The following SNTG2 variants were observed in gnomAD, a reference collection of about 807,000 sequenced individuals.
The protein encoded by SNTG2 is gamma-2-syntrophin.
A neutral mutation model predicts 70.9 loss-of-function variants in SNTG2; 74 were observed. That is an observed-to-expected ratio of 1.04 (90% CI 0.86 to 1.27). The LOEUF (loss-of-function observed/expected upper bound fraction) is 1.27, where lower values mean the gene tolerates loss of function less well. Ranked by LOEUF, SNTG2 falls within the 50% of genes most tolerant of loss-of-function variation. The pLI is 0.00. For missense variants in SNTG2, 717 were observed against 690.7 expected (o/e 1.04, Z -0.43); for synonymous variants, 278 against 273.8 (o/e 1.02, Z -0.15).
chr2:1,263,808 T>C (rs1678579986), intron 13 of SNTG2, among the ~76,000 whole-genome samples: 1 of 152,212 alleles, frequency 6.6e-6, no homozygotes, highest in South Asian at 2.1e-4. Flanking sequence ...ACGATTCCAT[T>C]TCACAGCTCA....
At position 1,238,065 on chromosome 2, in the gene SNTG2, G is replaced by T. The variant is rs376872111; in HGVS notation, c.849+48G>T. On this transcript the variant is annotated intron_variant, in intron 10 of 16. Coordinates refer to ENST00000308624, the MANE Select transcript of SNTG2 (RefSeq NM_018968.4). The stretch of plus-strand genomic sequence containing the variant: ...TCTCTGCTGATGCTCATTCGTGCAT[G>T]AAAAATAATGGAGACATCATGTTTC... The T allele has an allele frequency of 7.0e-6, 11 of 1,564,962 alleles. No homozygotes were observed. In the African/African-American group the frequency reaches 1.5e-4, roughly 21 times the overall value.
chr2:1,255,454 T>C (rs1364623034), intron 12 of SNTG2, among the ~76,000 whole-genome samples: 1 of 152,110 alleles, frequency 6.6e-6, no homozygotes, highest in Non-Finnish European at 1.5e-5. Flanking sequence ...ACCTGAGACT[T>C]GACATCACCA....
intron 8 of SNTG2, among the ~76,000 whole-genome samples, chr2:1,185,976 A>G (rs1478125463): frequency 2.0e-5 from 3 of 152,202 alleles, no homozygotes; most frequent in African/African-American, 7.2e-5. Flanking sequence ...TTCCTTCTAT[A>G]TAAGTTCTAC....
At chr2:1,251,808 GTGCACACCACTCA>G (rs1253620464) in intron 12 of SNTG2, among the ~76,000 whole-genome samples, 5 of 144,166 alleles carry the variant, frequency 3.5e-5, no homozygotes, top group African/African-American at 1.3e-4. Context: ...CCACACACAC[GTGCACACCACTCA>G]TGCACACACC....
At chr2:1,093,252 G>A (rs145079149) in intron 2 of SNTG2, among the ~76,000 whole-genome samples, 173 of 152,218 alleles carry the variant, frequency 1.1e-3, no homozygotes, top group Non-Finnish European at 2.0e-3. Context: ...TTGAGGCAGC[G>A]GACTGTTTTG....
At chr2:1,128,810 G>A (rs1478867241) in intron 4 of SNTG2, among the ~76,000 whole-genome samples, 1 of 152,028 alleles carries the variant, frequency 6.6e-6, no homozygotes, top group East Asian at 1.9e-4. Context: ...CATCAGCCAG[G>A]ATGAGAGTGC....
At chr2:1,225,496 A>G (rs1675709526) in intron 9 of SNTG2, among the ~76,000 whole-genome samples, 1 of 152,160 alleles carries the variant, frequency 6.6e-6, no homozygotes, top group African/African-American at 2.4e-5. Flanking sequence ...CAGTGCCAGG[A>G]GGTGGAATTG....
intron 7 of SNTG2, among the ~76,000 whole-genome samples, chr2:1,166,467 T>TTC: frequency 1.3e-5 from 2 of 152,320 alleles, no homozygotes; most frequent in Admixed American, 1.3e-4. Context: ...CTGTTTTACT[T>TTC]TCTCTCTCTC....
chr2:1,210,657 C>T (rs1390492302), intron 9 of SNTG2: 1 of 152,218 alleles, frequency 6.6e-6, no homozygotes, highest in Non-Finnish European at 1.5e-5. Context: ...GAACAACTTC[C>T]AGTCCTGAAG....
chr2:1,140,540 C>T (rs1668678064), intron 6 of SNTG2, among the ~76,000 whole-genome samples: 1 of 152,196 alleles, frequency 6.6e-6, no homozygotes. Context: ...TGTGATGGGA[C>T]CACTGATCCC....
chr2:1,359,970 T>A (rs1051461557), intron 16 of SNTG2, among the ~76,000 whole-genome samples: 1 of 152,202 alleles, frequency 6.6e-6, no homozygotes, highest in African/African-American at 2.4e-5. Context: ...AAACTAAAGC[T>A]CAATTTATTC....
chr2:1,122,552 AG>A (rs543295834), intron 4 of SNTG2, among the ~76,000 whole-genome samples: 1,607 of 152,276 alleles, frequency 0.011, 43 homozygotes, highest in African/African-American at 0.037. Context: ...TCACCAGTTC[AG>A]GTATAGACAG....
chr2:1,199,054 A>G (rs1245581163), intron 8 of SNTG2, among the ~76,000 whole-genome samples: 1 of 151,718 alleles, frequency 6.6e-6, no homozygotes, highest in East Asian at 1.9e-4. Flanking sequence ...ACGTAATGCA[A>G]AAACCAGAAA....
chr2:1,080,213 C>T (rs115148755), intron 1 of SNTG2, among the ~76,000 whole-genome samples: 2,315 of 152,294 alleles, frequency 0.015, 61 homozygotes, highest in African/African-American at 0.053. Context: ...AGAAATTAGG[C>T]TAGCCAGAGC....
intron 4 of SNTG2, among the ~76,000 whole-genome samples, chr2:1,130,155 C>G (rs1317071944): frequency 6.6e-6 from 1 of 152,204 alleles, no homozygotes; most frequent in African/African-American, 2.4e-5. Flanking sequence ...CTGTGAGTCT[C>G]TGGCTTCCTT....
chr2:1,352,533 G>C (rs1660639068), intron 16 of SNTG2, among the ~76,000 whole-genome samples: 1 of 152,200 alleles, frequency 6.6e-6, no homozygotes, highest in African/African-American at 2.4e-5. Flanking sequence ...AGTAGGTCAG[G>C]GTGGAGCCTG....
At chr2:1,254,362 A>G (rs1434294870) in intron 12 of SNTG2, among the ~76,000 whole-genome samples, 1 of 152,180 alleles carries the variant, frequency 6.6e-6, no homozygotes, top group Non-Finnish European at 1.5e-5. Flanking sequence ...TTTATTTCTG[A>G]TTTGTACATT....
At chr2:1,145,912 A>G (rs867480271) in intron 6 of SNTG2, among the ~76,000 whole-genome samples, 2 of 152,240 alleles carry the variant, frequency 1.3e-5, no homozygotes, top group Non-Finnish European at 2.9e-5. Context: ...TTGGAAATTA[A>G]TGTAATTTAT....
intron 9 of SNTG2, among the ~76,000 whole-genome samples, chr2:1,228,705 C>G (rs1675971098): frequency 6.6e-6 from 1 of 152,252 alleles, no homozygotes; most frequent in South Asian, 2.1e-4. Context: ...ATTTGATAGT[C>G]CAGATAATTT....
Sources: gnomAD v4.1 joint callset for allele counts (sites outside exome capture counted in the v4.1 genomes callset) on GRCh38, gnomAD v4.1.1 for gene constraint, MANE v1.5 for transcripts, NCBI Gene and HGNC (gene_info 2026-07-23, HGNC 2026-07-21) for gene names.